Variants in RSBN1L observed in about 807,000 individuals in gnomAD.
The protein encoded by RSBN1L is round spermatid basic protein 1 like.
RSBN1L carries 30 observed loss-of-function variants against 67.7 expected under a neutral mutation model. The observed-to-expected ratio is 0.44, with a 90% confidence interval of 0.33 to 0.60. The LOEUF is 0.60. Among genes scored for constraint, RSBN1L ranks in the 20% least tolerant of loss-of-function variants. The probability of loss-of-function intolerance (pLI) is 0.02; values close to 1 mark genes in which losing one functional copy is unlikely to be tolerated. For missense variants in RSBN1L, 992 were observed against 1,031.7 expected, an observed-to-expected ratio of 0.96 and a Z score of 0.53; for synonymous variants, 433 against 387.0, an observed-to-expected ratio of 1.12 and a Z score of -1.39.
chr7:77,701,707 A>G (rs1258909040), intron 1 of RSBN1L, among the ~76,000 whole-genome samples: 1 of 145,636 alleles, frequency 6.9e-6, no homozygotes, highest in Non-Finnish European at 1.5e-5. Flanking sequence ...GCTGGAGTGC[A>G]GTGGCATGAT....
At chr7:77,754,101 G>A (rs1791588422) in intron 3 of RSBN1L, among the ~76,000 whole-genome samples, 1 of 152,120 alleles carries the variant, frequency 6.6e-6, no homozygotes, top group African/African-American at 2.4e-5. Context: ...GCAATGGTAC[G>A]ATCATAGTGC....
intron 2 of RSBN1L, among the ~76,000 whole-genome samples, chr7:77,745,768 A>G (rs1159175176): frequency 6.6e-6 from 1 of 152,220 alleles, no homozygotes; most frequent in Non-Finnish European, 1.5e-5. Context: ...TATGTAATGA[A>G]ATAATTATAT....
Position 77,736,531 on chromosome 7 carries a change from G to C in RSBN1L, c.703+5G>C. The C allele has an allele frequency of 7.8e-7, 1 of 1,286,186 alleles. No individual in the cohort carries two copies. The highest frequency in any genetic ancestry group is 1.1e-6 in the Non-Finnish European group (1 of 946,828). The allele number at this position is 1,286,186 out of a possible 1,614,324, so 79.7% of individuals were successfully genotyped here. Reference sequence around the variant, plus strand: ...AAGTAAAGATTTTGCTGAAAAGTAAGTTTTATTCAGTGATTTTAGTTCTAC... The same window carrying C: ...AAGTAAAGATTTTGCTGAAAAGTAACTTTTATTCAGTGATTTTAGTTCTAC... On this transcript the variant is annotated splice_donor_5th_base_variant and intron_variant, in intron 2 of 7. Transcript: ENST00000334955.
rs781511754 is a variant in RSBN1L, at chr7:77,749,419, A to G, written c.704-5A>G. The stretch of plus-strand genomic sequence containing the variant: ...TGGAGTTTCAAAAAACATTTTTTCC[A>G]ACAGGTGGGAAGGAGAAACCAAAAA... On this transcript the variant is annotated splice_region_variant and splice_polypyrimidine_tract_variant and intron_variant, in intron 2 of 7. Coordinates refer to ENST00000334955, the MANE Select transcript of RSBN1L (RefSeq NM_198467.3). The G allele has an allele frequency of 1.3e-6, 2 of 1,531,618 alleles. No individual in the cohort carries two copies. The highest frequency in any genetic ancestry group is 1.7e-6 in the Non-Finnish European group (2 of 1,143,256). The allele number at this position is 1,531,618 out of a possible 1,614,324, so 94.9% of individuals were successfully genotyped here.
chr7:77,723,385 CTTCT>C (rs1222454377), intron 1 of RSBN1L, among the ~76,000 whole-genome samples: 1 of 152,066 alleles, frequency 6.6e-6, no homozygotes, highest in Non-Finnish European at 1.5e-5. Flanking sequence ...AAAAGTATAG[CTTCT>C]TTTTCTTAAA....
At position 77,725,244 on chromosome 7, in the gene RSBN1L, C is replaced by CTTTTTT. The variant is rs779531960; in HGVS notation, c.587-11150_587-11145dup. Among the ~76,000 whole-genome samples, 114 of 73,644 alleles carry CTTTTTT rather than the reference C, an allele frequency of 1.5e-3. 11 individuals are homozygous for CTTTTTT. The highest frequency in any genetic ancestry group is 6.1e-3 in the South Asian group (11 of 1,808). The allele number at this position is 73,644 out of a possible 152,430, so 48.3% of individuals were successfully genotyped here. A position where few individuals can be genotyped will look rare whatever the true frequency, so the allele number is the denominator to read the frequency against. ...TTCTTCCCTAGGGATAAGCCCCCCA[C>CTTTTTT]TTTTTTTTTTTTTTTTTTTTTGAGA... On this transcript the variant is annotated intron_variant, in intron 1 of 7. Transcript: ENST00000334955.
At chr7:77,764,010 A>G (rs1791729993) in intron 3 of RSBN1L, among the ~76,000 whole-genome samples, 2 of 152,228 alleles carry the variant, frequency 1.3e-5, no homozygotes, top group Admixed American at 1.3e-4. Flanking sequence ...TTTGTATGAA[A>G]ACATGTGGGT....
At chr7:77,756,290 C>T (rs960163551) in intron 3 of RSBN1L, among the ~76,000 whole-genome samples, 66 of 152,074 alleles carry the variant, frequency 4.3e-4, no homozygotes, top group African/African-American at 1.4e-3. Flanking sequence ...TACCACCACA[C>T]CTGGCTAATT....
intron 4 of RSBN1L, among the ~76,000 whole-genome samples, chr7:77,767,721 G>A (rs1259361222): frequency 2.9e-5 from 3 of 102,772 alleles, no homozygotes; most frequent in African/African-American, 4.2e-5. Flanking sequence ...TCTGTCTCTC[G>A]CCTCGCCTCC....
chr7:77,763,149 CT>C (rs11440608), intron 3 of RSBN1L, among the ~76,000 whole-genome samples: 1,560 of 126,894 alleles, frequency 0.012, 14 homozygotes, highest in Non-Finnish European at 0.02. Context: ...TATAATTTGA[CT>C]TTTTTTTTTT....
rs375719950 is a variant in RSBN1L, at chr7:77,696,681, C to T, written c.212C>T (p.Pro71Leu). The T allele has an allele frequency of 7.4e-6, 12 of 1,612,332 alleles. No homozygotes were observed. Among genetic ancestry groups the T allele is most frequent in the Non-Finnish European group, 8.5e-6 (10 of 1,179,212 alleles). Residue 71 changes from proline to leucine, a missense_variant, in exon 1 of 8, where the codon CCG becomes CTG. Physicochemically the swap from Pro to Leu is moderately conservative, Grantham distance 98. Around this residue, in one of 7 missense-constraint regions of RSBN1L, gnomAD observed 575 missense variants for 483.2 expected, o/e 1.19. Coordinates refer to ENST00000334955, the MANE Select transcript of RSBN1L (RefSeq NM_198467.3). ...GSGGNSRQLQ[P>L]PAAPSPQSYG... ...GGCGGGAACAGCAGGCAGCTGCAGC[C>T]GCCGGCAGCACCTTCGCCTCAGAGC...
chr7:77,735,187 G>C (rs950945222), intron 1 of RSBN1L, among the ~76,000 whole-genome samples: 2 of 152,046 alleles, frequency 1.3e-5, no homozygotes, highest in African/African-American at 4.8e-5. Context: ...ATTTATTTAA[G>C]TAGTCTAGAC....
intron 3 of RSBN1L, among the ~76,000 whole-genome samples, chr7:77,760,691 TG>T (rs1489587374): frequency 6.6e-6 from 1 of 152,210 alleles, no homozygotes; most frequent in Non-Finnish European, 1.5e-5. Context: ...TGGAGTGCAG[TG>T]GTGCGATCTC....
At chr7:77,771,801 TGCCCG>T (rs1791853333) in intron 5 of RSBN1L, among the ~76,000 whole-genome samples, 1 of 151,166 alleles carries the variant, frequency 6.6e-6, no homozygotes. Flanking sequence ...TGAGCCACTG[TGCCCG>T]GCCTCCTCAG....
intron 2 of RSBN1L, among the ~76,000 whole-genome samples, chr7:77,741,234 G>A (rs1440548455): frequency 2.0e-5 from 3 of 151,386 alleles, no homozygotes; most frequent in Non-Finnish European, 2.9e-5. Flanking sequence ...CAGTCCACCC[G>A]CCTCAGCCTC....
In RSBN1L at chr7:77,731,845, C is replaced by CT. The variant is rs879328651; in HGVS notation, c.587-4553dup. ...CACATACCACTTCTCCTAGTTTAGA[C>CT]TTTTTTTTTTTTGGTATGTGGATAT... is the stretch of plus-strand genomic sequence containing the variant. On this transcript the variant is annotated intron_variant, in intron 1 of 7. Coordinates refer to ENST00000334955, the MANE Select transcript of RSBN1L (RefSeq NM_198467.3). 2.4e-3 allele frequency among the ~76,000 whole-genome samples: 344 copies of CT among 142,678 alleles called. 1 individual carries two copies. The highest frequency in any genetic ancestry group is 6.7e-3 in the African/African-American group (261 of 39,116). The allele number at this position is 142,678 out of a possible 152,430, so 93.6% of individuals were successfully genotyped here.
chr7:77,704,217 A>G (rs1790858632), intron 1 of RSBN1L, among the ~76,000 whole-genome samples: 1 of 152,218 alleles, frequency 6.6e-6, no homozygotes, highest in African/African-American at 2.4e-5. Flanking sequence ...AGAATGAACA[A>G]TACTAACTTT....
rs138038825 is a variant in RSBN1L at position 77,768,864 on chromosome 7, T to C, written c.1625+61T>C. ...GTGTTTGTATGTTGGGGTGTGTATG[T>C]TAGTTGAAAATTGGAGGAAGGAGGA... On this transcript the variant is annotated intron_variant, in intron 5 of 7. Transcript: ENST00000334955. 327 of 1,476,012 alleles carry C rather than the reference T, an allele frequency of 2.2e-4. 2 individuals carry two copies. In the East Asian group the frequency reaches 5.5e-3, roughly 25 times the overall value. The allele number at this position is 1,476,012 out of a possible 1,614,324, so 91.4% of individuals were successfully genotyped here.
At chr7:77,753,619 A>G (rs533429879) in intron 3 of RSBN1L, among the ~76,000 whole-genome samples, 37 of 152,300 alleles carry the variant, frequency 2.4e-4, no homozygotes, top group African/African-American at 8.4e-4. Context: ...AATGTAATCT[A>G]ATTTATAATT....
Sources: allele counts gnomAD v4.1 joint callset (sites outside exome capture counted in the v4.1 genomes callset), GRCh38; gene constraint gnomAD v4.1.1; regional missense constraint gnomAD v4.1.1; transcripts MANE v1.5; gene names NCBI Gene and HGNC (gene_info 2026-07-23, HGNC 2026-07-21).